Variants in RALGAPA2 observed in about 807,000 individuals in gnomAD.
RALGAPA2 encodes ral GTPase-activating protein subunit alpha-2.
A neutral mutation model predicts 230.4 loss-of-function variants in RALGAPA2; 139 were observed. That is an observed-to-expected ratio of 0.60 (90% CI 0.53 to 0.69). The LOEUF (loss-of-function observed/expected upper bound fraction) is 0.69. RALGAPA2 is among the 30% of genes least tolerant of loss of function. The pLI, the probability that RALGAPA2 is intolerant of heterozygous loss-of-function variation, is 0.00. For missense variants in RALGAPA2, 2,163 were observed against 2,276.0 expected (o/e 0.95, Z 1.01); for synonymous variants, 847 against 837.8 (o/e 1.01, Z -0.19).
chr20:20,411,922 A>T, intron 38 of RALGAPA2, 105 bp downstream of exon 38: 1 of 1,424,716 alleles, frequency 7.0e-7, no homozygotes, highest in Non-Finnish European at 9.7e-7. Context: ...CAGAGGGAGA[A>T]TGCTCTTCTT....
At chr20:20,491,449 C>G (rs1198557160) in intron 36 of RALGAPA2, among the ~76,000 whole-genome samples, 2 of 152,170 alleles carry the variant, frequency 1.3e-5, no homozygotes, top group Non-Finnish European at 2.9e-5. Flanking sequence ...CACTACTATG[C>G]CTGGAAATAA....
intron 1 of RALGAPA2, among the ~76,000 whole-genome samples, chr20:20,708,682 A>C (rs1399821857): frequency 6.6e-6 from 1 of 152,326 alleles, no homozygotes; most frequent in East Asian, 1.9e-4. Flanking sequence ...AGACTACTAC[A>C]AATCTCCTTA....
Position 20,521,026 on chromosome 20 carries a change from C to T in RALGAPA2, c.3975G>A (p.Leu1325=). ...QSHYILTLAD[L]SSTDYDPFLP... ...GGAAGGGGTCATAATCCGTGGATGACAAGTCAGCCAGGGTCAGTATGTAGT... is the reference window on the plus strand; with the variant it reads ...GGAAGGGGTCATAATCCGTGGATGATAAGTCAGCCAGGGTCAGTATGTAGT... Residue 1325 remains leucine, a synonymous_variant, in exon 31 of 40, where the codon TTG becomes TTA. Transcript: ENST00000202677. 1 of 1,613,884 alleles carries T rather than the reference C, an allele frequency of 6.2e-7. No individual in the cohort carries two copies. Among genetic ancestry groups the T allele is most frequent in the Non-Finnish European group, 8.5e-7 (1 of 1,179,846 alleles).
At chr20:20,434,328 C>G (rs1346302209) in intron 37 of RALGAPA2, among the ~76,000 whole-genome samples, 1 of 152,088 alleles carries the variant, frequency 6.6e-6, no homozygotes, top group South Asian at 2.1e-4. Context: ...CAGTCAGCAA[C>G]GAGGCCTTGG....
chr20:20,477,569 G>C, intron 36 of RALGAPA2, among the ~76,000 whole-genome samples: 1 of 152,148 alleles, frequency 6.6e-6, no homozygotes, highest in African/African-American at 2.4e-5. Flanking sequence ...ATGGAACACA[G>C]CCACACTTAT....
intron 14 of RALGAPA2, among the ~76,000 whole-genome samples, chr20:20,605,661 C>A (rs1466254095): frequency 6.6e-6 from 1 of 152,046 alleles, no homozygotes; most frequent in East Asian, 1.9e-4. Context: ...TGCAGCTGGC[C>A]CTGGCTATAA....
rs200276614 is a variant in RALGAPA2 at position 20,521,018 on chromosome 20, G to A, written c.3983C>T (p.Thr1328Met). 2.4e-5 allele frequency: 38 copies of A among 1,613,824 alleles called. No homozygotes were observed. Among genetic ancestry groups the A allele is most frequent in the Non-Finnish European group, 3.0e-5 (35 of 1,179,800 alleles). The change falls in exon 31 of 40, where the codon ACG (threonine) becomes ATG (methionine). Residue 1328 changes from threonine to methionine, a missense_variant. Thr to Met is a moderately conservative substitution (Grantham distance 81, BLOSUM62 -1). Transcript: ENST00000202677. ...CAGTGGCAGGAAGGGGTCATAATCC[G>A]TGGATGACAAGTCAGCCAGGGTCAG... Reference protein sequence around the residue: ...YILTLADLSSTDYDPFLPLAN... With the variant: ...YILTLADLSSMDYDPFLPLAN...
chr20:20,686,793 T>G (rs144815915), intron 1 of RALGAPA2, among the ~76,000 whole-genome samples: 149 of 152,338 alleles, frequency 9.8e-4, no homozygotes, highest in African/African-American at 3.4e-3. Flanking sequence ...AGCAATTCTA[T>G]TGCTTTTTAT....
rs527422062 is a variant in RALGAPA2, at chr20:20,705,776, C to T, written c.106+6599G>A. On this transcript the variant is annotated intron_variant, in intron 1 of 39. Transcript: ENST00000202677. Reference sequence around the variant, plus strand: ...CTCCACCTCCCAGATTCAAGCAGTTCTCCTGCCTCAGCCTCCCGAGCAGCT... The same window carrying T: ...CTCCACCTCCCAGATTCAAGCAGTTTTCCTGCCTCAGCCTCCCGAGCAGCT... 8.5e-5 allele frequency among the ~76,000 whole-genome samples: 13 copies of T among 152,250 alleles called. No homozygotes were observed. The South Asian group carries it at 2.3e-3, about 27-fold the overall frequency.
intron 27 of RALGAPA2, among the ~76,000 whole-genome samples, chr20:20,530,245 G>A (rs2063332294): frequency 6.6e-6 from 1 of 152,136 alleles, no homozygotes. Context: ...CCCTCACAGG[G>A]CAGCTCTGCG....
chr20:20,690,304 C>T (rs1349221293), intron 1 of RALGAPA2, among the ~76,000 whole-genome samples: 1 of 152,122 alleles, frequency 6.6e-6, no homozygotes, highest in African/African-American at 2.4e-5. Context: ...AGATCCTCCC[C>T]TTGCTCCTTG....
chr20:20,624,378 A>T (rs1354488476), intron 10 of RALGAPA2, among the ~76,000 whole-genome samples: 1 of 151,780 alleles, frequency 6.6e-6, no homozygotes, highest in African/African-American at 2.4e-5. Flanking sequence ...CTTCCCCATC[A>T]TAAAAGGACT....
chr20:20,473,492 C>CT (rs1309934947), intron 36 of RALGAPA2, among the ~76,000 whole-genome samples: 4 of 152,004 alleles, frequency 2.6e-5, no homozygotes, highest in Admixed American at 2.0e-4. Context: ...TTTCCTTCTA[C>CT]TTTTTTTTGA....
chr20:20,663,781 G>A (rs796989822), intron 3 of RALGAPA2, among the ~76,000 whole-genome samples: 6 of 152,162 alleles, frequency 3.9e-5, no homozygotes, highest in East Asian at 3.9e-4. Flanking sequence ...TAGTACAGAC[G>A]AGGTTTCACC....
chr20:20,485,239 T>C (rs1262482659), intron 36 of RALGAPA2, among the ~76,000 whole-genome samples: 1 of 152,202 alleles, frequency 6.6e-6, no homozygotes, highest in East Asian at 1.9e-4. Context: ...TAATGTCCCC[T>C]GTACCCCTGA....
chr20:20,496,357 C>G (rs188104594), intron 35 of RALGAPA2, among the ~76,000 whole-genome samples: 2 of 151,996 alleles, frequency 1.3e-5, no homozygotes, highest in African/African-American at 4.8e-5. Context: ...AAGCTGCACA[C>G]GAAATCATTT....
At chr20:20,651,216 A>G (rs777826754) in intron 4 of RALGAPA2, among the ~76,000 whole-genome samples, 1 of 152,216 alleles carries the variant, frequency 6.6e-6, no homozygotes, top group Non-Finnish European at 1.5e-5. Context: ...CCTGATTCCA[A>G]AGCACATCTA....
chr20:20,401,773 C>G (rs1256971348), intron 38 of RALGAPA2, among the ~76,000 whole-genome samples: 1 of 152,168 alleles, frequency 6.6e-6, no homozygotes, highest in Non-Finnish European at 1.5e-5. Context: ...TAAAAACTGT[C>G]TTGTCCCCAG....
intron 26 of RALGAPA2, among the ~76,000 whole-genome samples, chr20:20,534,288 C>G (rs1232694997): frequency 6.6e-6 from 1 of 151,656 alleles, no homozygotes; most frequent in Non-Finnish European, 1.5e-5. Context: ...ACTAAAAATA[C>G]AAAAAAATTA....
Sources: allele counts gnomAD v4.1 joint callset (sites outside exome capture counted in the v4.1 genomes callset), GRCh38; gene constraint gnomAD v4.1.1; transcripts MANE v1.5; gene names NCBI Gene and HGNC (gene_info 2026-07-23, HGNC 2026-07-21).